Variants in MYZAP observed in about 807,000 individuals in gnomAD.
MYZAP encodes myocardial zonula adherens protein, also known as GRINL1A complex locus upstream.
MYZAP carries 66 observed loss-of-function variants against 69.4 expected under a neutral mutation model. The observed-to-expected ratio is 0.95, with a 90% CI of 0.78 to 1.17. The LOEUF is 1.17. MYZAP is among the 50% of genes most tolerant of loss of function. The pLI is 0.00. For synonymous variants in MYZAP, 256 were observed against 205.9 expected (o/e 1.24, Z -2.09); for missense variants, 611 against 556.2 (o/e 1.10, Z -0.99).
chr15:57,632,340 AC>A, intron 6 of MYZAP, 93 bp from the exon 7 acceptor site: 1 of 1,573,416 alleles, frequency 6.4e-7, no homozygotes, highest in Non-Finnish European at 8.6e-7. Context: ...TGGGCTCACT[AC>A]CTCTGTGAGT....
At chr15:57,593,188 G>GCGCGCGCGCGCACACACACACACACA (rs1555454573) in intron 1 of MYZAP, among the ~76,000 whole-genome samples, 1 of 114,152 alleles carries the variant, frequency 8.8e-6, no homozygotes, top group Non-Finnish European at 1.8e-5. Flanking sequence ...GTACACAGGC[G>GCGCGCGCGCGCACACACACACACACA]CACACACACA....
At chr15:57,656,891 T>C (rs1419404995) in intron 10 of MYZAP, among the ~76,000 whole-genome samples, 1 of 152,200 alleles carries the variant, frequency 6.6e-6, no homozygotes, top group East Asian at 1.9e-4. Flanking sequence ...ATGAGCCTTG[T>C]TAGAAGCTGC....
rs532881790 is a variant in MYZAP, at chr15:57,598,522, C to CA, written c.76-5747_76-5746insA. On this transcript the variant is annotated intron_variant, in intron 1 of 12. Transcript: ENST00000267853. Reference sequence around the variant, plus strand: ...TTAAGTGGTGACGGTACAAAGCTTACTTGATCACTCCCCCTATGTTTTCCC... The same window carrying CA: ...TTAAGTGGTGACGGTACAAAGCTTACATTGATCACTCCCCCTATGTTTTCCC... Among the ~76,000 whole-genome samples, 11 of 152,344 alleles carry CA rather than the reference C, an allele frequency of 7.2e-5. No individual in the cohort carries two copies. The South Asian group carries it at 2.1e-3, about 29-fold the overall frequency.
chr15:57,640,118 A>G (rs2037063461), intron 10 of MYZAP, among the ~76,000 whole-genome samples: 2 of 152,062 alleles, frequency 1.3e-5, no homozygotes, highest in Admixed American at 1.3e-4. Flanking sequence ...ACCAAGCTAT[A>G]CATTTACTGT....
At chr15:57,679,194 G>A (rs1595946445) in intron 12 of MYZAP, among the ~76,000 whole-genome samples, 1 of 152,248 alleles carries the variant, frequency 6.6e-6, no homozygotes, top group East Asian at 1.9e-4. Flanking sequence ...AATGCATTTA[G>A]TTGATGCTCA....
intron 4 of MYZAP, among the ~76,000 whole-genome samples, chr15:57,623,201 C>T (rs2035924454): frequency 6.6e-6 from 1 of 152,118 alleles, no homozygotes; most frequent in Admixed American, 6.5e-5. Flanking sequence ...TGTTCACAGG[C>T]CTGTGGGCAA....
At chr15:57,649,306 C>T (rs1453494003) in intron 10 of MYZAP, among the ~76,000 whole-genome samples, 1 of 152,216 alleles carries the variant, frequency 6.6e-6, no homozygotes, top group African/African-American at 2.4e-5. Flanking sequence ...GTGCACATAC[C>T]TTTCCACCAG....
At chr15:57,606,200 G>A (rs1267535674) in intron 2 of MYZAP, among the ~76,000 whole-genome samples, 2 of 152,182 alleles carry the variant, frequency 1.3e-5, no homozygotes, top group Non-Finnish European at 2.9e-5. Context: ...TAGGCAGGCA[G>A]CCAGCATTTC....
chr15:57,594,296 A>T (rs569814972), intron 1 of MYZAP, among the ~76,000 whole-genome samples: 3 of 152,238 alleles, frequency 2.0e-5, no homozygotes, highest in African/African-American at 7.2e-5. Context: ...TTGTATTTTT[A>T]GTGGAGACAG....
At chr15:57,641,603 C>A (rs949343590) in intron 10 of MYZAP, among the ~76,000 whole-genome samples, 6 of 152,074 alleles carry the variant, frequency 3.9e-5, no homozygotes, top group Admixed American at 3.9e-4. Context: ...GAGTTAGCAC[C>A]CCCTAGGGGC....
At chr15:57,625,671 T>C (rs1345320965) in intron 4 of MYZAP, 108 bp from the exon 5 acceptor site, 1 of 922,874 alleles carries the variant, frequency 1.1e-6, no homozygotes, top group Admixed American at 2.0e-5. Context: ...ACTTTAGATA[T>C]TGTTGAAGTA....
intron 1 of MYZAP, chr15:57,599,812 T>C: frequency 1.3e-6 from 1 of 785,508 alleles, no homozygotes; most frequent in Non-Finnish European, 1.9e-6. Flanking sequence ...TTATGGGTGG[T>C]TCAGGGGTTA....
At chr15:57,625,732 A>G (rs1427224842) in intron 4 of MYZAP, 47 bp from the exon 5 acceptor site, 1 of 1,568,600 alleles carries the variant, frequency 6.4e-7, no homozygotes, top group Non-Finnish European at 8.8e-7. Flanking sequence ...GATTGTCGTG[A>G]ACGTGTAGGG....
chr15:57,602,391 T>C (rs1373816269), intron 1 of MYZAP, among the ~76,000 whole-genome samples: 1 of 152,158 alleles, frequency 6.6e-6, no homozygotes, highest in African/African-American at 2.4e-5. Flanking sequence ...TGGGTCGTCT[T>C]AATGTTTATA....
chr15:57,661,621 A>G lies in MYZAP; in HGVS notation c.1203+88A>G, dbSNP rs188654475. The G allele has an allele frequency of 7.7e-6, 9 of 1,165,040 alleles. No individual in the cohort carries two copies. In the Admixed American group the frequency reaches 2.1e-4, roughly 28 times the overall value. The allele number at this position is 1,165,040 out of a possible 1,614,324, so 72.2% of individuals were successfully genotyped here. On this transcript the variant is annotated intron_variant, in intron 11 of 12. Coordinates refer to ENST00000267853, the MANE Select transcript of MYZAP (RefSeq NM_001018100.5). ...CTACCACCGACACTTAATTAAAAAT[A>G]TGGCTATTTCCCGGCCTTATAAAAT... is the stretch of plus-strand genomic sequence containing the variant.
intron 2 of MYZAP, among the ~76,000 whole-genome samples, chr15:57,615,898 G>A (rs1209751365): frequency 6.6e-6 from 1 of 152,122 alleles, no homozygotes; most frequent in African/African-American, 2.4e-5. Flanking sequence ...GGGAAGAAGG[G>A]CAAGAAGCAA....
At position 57,608,938 on chromosome 15, in the gene MYZAP, A is replaced by G. The variant is rs1005588278; in HGVS notation, c.162+4583A>G. ...CTTCCCTGTCCTTGAAGGCTCAGCT[A>G]AAGGCCCACTTCCTTTCTGATAACT... is the stretch of plus-strand genomic sequence containing the variant. On this transcript the variant is annotated intron_variant, in intron 2 of 12. Transcript: ENST00000267853. 9.2e-5 allele frequency among the ~76,000 whole-genome samples: 14 copies of G among 152,296 alleles called. 1 individual carries two copies. Among genetic ancestry groups the G allele is most frequent in the Admixed American group, 7.8e-4 (12 of 15,302 alleles).
At chr15:57,642,655 G>A (rs138412142) in intron 10 of MYZAP, among the ~76,000 whole-genome samples, 6 of 152,274 alleles carry the variant, frequency 3.9e-5, no homozygotes, top group Admixed American at 3.9e-4. Context: ...TTTTTTAAAT[G>A]ATGGGCTTCT....
intron 10 of MYZAP, chr15:57,647,612 T>C (rs2037507335): frequency 1.0e-6 from 1 of 985,324 alleles, no homozygotes; most frequent in Non-Finnish European, 1.2e-6. Flanking sequence ...TTTTCTCTTT[T>C]GGGCTATGAA....
Sources: allele counts gnomAD v4.1 joint callset (sites outside exome capture counted in the v4.1 genomes callset), GRCh38; gene constraint gnomAD v4.1.1; transcripts MANE v1.5; gene names NCBI Gene and HGNC (gene_info 2026-07-23, HGNC 2026-07-21).